The following ITM2B variants were observed in gnomAD, a reference collection of about 807,000 sequenced individuals.
The protein encoded by ITM2B is ABri/ADan amyloid peptide.
In ITM2B, 11 loss-of-function variants were observed where a neutral mutation model predicts 27.8. The observed-to-expected ratio is 0.40, with a 90% CI of 0.25 to 0.66. ITM2B has a LOEUF of 0.66. Ranked by LOEUF, ITM2B falls within the 30% of genes least tolerant of loss-of-function variation. The pLI is 0.43. For synonymous variants in ITM2B, 114 were observed against 114.3 expected (o/e 1.00, Z 0.02); for missense variants, 296 against 328.9 (o/e 0.90, Z 0.77).
chr13:48,244,211 A>C (rs946342119), intron 1 of ITM2B, among the ~76,000 whole-genome samples: 1 of 152,248 alleles, frequency 6.6e-6, no homozygotes, highest in African/African-American at 2.4e-5. Flanking sequence ...TAAACACCCC[A>C]GCTTTCAAGA....
rs544131145 is a variant in ITM2B at position 48,262,518 on chromosome 13, T to G, written c.*1294T>G. The G allele has an allele frequency of 6.6e-6, 1 of 152,314 alleles. No individual in the cohort carries two copies. Among genetic ancestry groups the G allele is most frequent in the Admixed American group, 6.5e-5 (1 of 15,274 alleles). The allele number at this position is 152,314 out of a possible 1,614,324, so 9.4% of individuals were successfully genotyped here. A position where few individuals can be genotyped will look rare whatever the true frequency, so the allele number is the denominator to read the frequency against. On this transcript the variant is annotated 3_prime_UTR_variant, in exon 6 of 6. Transcript: ENST00000647800. Reference sequence around the variant, plus strand: ...GTTGGGTATTCAGGAATTAACAATTTTAGAAGACAATATGTTTCAATAAAA... The same window carrying G: ...GTTGGGTATTCAGGAATTAACAATTGTAGAAGACAATATGTTTCAATAAAA...
At chr13:48,233,960 A>G (rs1951652476) in intron 1 of ITM2B, among the ~76,000 whole-genome samples, 1 of 152,162 alleles carries the variant, frequency 6.6e-6, no homozygotes, top group Non-Finnish European at 1.5e-5. Flanking sequence ...AAGTCCAGCA[A>G]CTGTAAGCGT....
intron 1 of ITM2B, among the ~76,000 whole-genome samples, chr13:48,249,678 G>A (rs1951742287): frequency 6.6e-6 from 1 of 152,072 alleles, no homozygotes; most frequent in South Asian, 2.1e-4. Context: ...GGGCATTCCT[G>A]TATTCCTCAA....
In ITM2B at chr13:48,233,258, G is replaced by A; in HGVS notation, c.-103G>A. 1 of 671,992 alleles carries A rather than the reference G, an allele frequency of 1.5e-6. No individual in the cohort carries two copies. The highest frequency in any genetic ancestry group is 2.4e-6 in the Non-Finnish European group (1 of 415,730). 41.6% of individuals were successfully genotyped at this position (671,992 alleles called of 1,614,324 possible). On this transcript the variant is annotated 5_prime_UTR_variant, in exon 1 of 6. Transcript: ENST00000647800. ...TCCCGAACCTCTTCAGCCGCCCGGAGCCGCTCCCGGAGCCCGGCCGTAGAG... is the reference window on the plus strand; with the variant it reads ...TCCCGAACCTCTTCAGCCGCCCGGAACCGCTCCCGGAGCCCGGCCGTAGAG...
chr13:48,234,483 A>G (rs1359110244), intron 1 of ITM2B, among the ~76,000 whole-genome samples: 1 of 152,150 alleles, frequency 6.6e-6, no homozygotes, highest in Non-Finnish European at 1.5e-5. Context: ...AAGACCTATT[A>G]TCAGTAGGGT....
rs751736059 is a variant in ITM2B, at chr13:48,245,323, CAAA to C, written c.118-8473_118-8471del. Reference sequence around the variant, plus strand: ...CCTGGGTGACAGTGAGACTCCGTCTCAAAAAAAAAAAAAATGGTTACAGTTCTG... The same window carrying C: ...CCTGGGTGACAGTGAGACTCCGTCTCAAAAAAAAAAATGGTTACAGTTCTG... On this transcript the variant is annotated intron_variant, in intron 1 of 5. Transcript: ENST00000647800. Among the ~76,000 whole-genome samples the C allele has an allele frequency of 7.9e-3, 758 of 95,476 alleles. 5 individuals are homozygous for C. Among genetic ancestry groups the C allele is most frequent in the Middle Eastern group, 0.026 (3 of 116 alleles). The allele number at this position is 95,476 out of a possible 152,430, so 62.6% of individuals were successfully genotyped here.
intron 1 of ITM2B, among the ~76,000 whole-genome samples, chr13:48,239,575 T>A (rs1951687927): frequency 6.6e-6 from 1 of 152,186 alleles, no homozygotes; most frequent in African/African-American, 2.4e-5. Context: ...GAGGCTGCAG[T>A]GAGCTGAGAT....
intron 1 of ITM2B, among the ~76,000 whole-genome samples, chr13:48,252,903 A>G (rs1195579578): frequency 6.6e-6 from 1 of 152,188 alleles, no homozygotes; most frequent in East Asian, 1.9e-4. Flanking sequence ...TACAAATCAG[A>G]AATTTGCTGT....
intron 1 of ITM2B, among the ~76,000 whole-genome samples, chr13:48,233,701 G>C (rs773608735): frequency 1.3e-4 from 20 of 152,154 alleles, no homozygotes; most frequent in Admixed American, 5.2e-4. Flanking sequence ...GGGCTTGGGA[G>C]GCCTGGAGAG....
rs759821284 is a variant in ITM2B at position 48,253,834 on chromosome 13, C to T, written c.144C>T (p.Gly48=). The change falls in exon 2 of 6, where the codon GGC becomes GGT. Residue 48 remains glycine (G), a synonymous_variant. Transcript: ENST00000647800. The part of the protein sequence containing the change: ...CKDPDDVVPV[G]QRRAWCWCMC... The stretch of plus-strand genomic sequence containing the variant: ...ACCCAGATGATGTGGTACCAGTTGG[C>T]CAAAGAAGAGCCTGGTGTTGGTGCA... The T allele has an allele frequency of 1.2e-6, 2 of 1,613,832 alleles. No homozygotes were observed. The highest frequency in any genetic ancestry group is 1.7e-6 in the Non-Finnish European group (2 of 1,179,760).
At chr13:48,242,099 G>A (rs954078843) in intron 1 of ITM2B, among the ~76,000 whole-genome samples, 8 of 152,084 alleles carry the variant, frequency 5.3e-5, no homozygotes, top group South Asian at 2.1e-4. Context: ...TTTACACACT[G>A]CACACATGAT....
At chr13:48,255,869 G>T (rs1951784012) in intron 2 of ITM2B, among the ~76,000 whole-genome samples, 1 of 152,162 alleles carries the variant, frequency 6.6e-6, no homozygotes, top group Admixed American at 6.5e-5. Context: ...TACAGGTAGA[G>T]TAGGTCTGTT....
At chr13:48,261,100 G>T (rs1238824246) in intron 5 of ITM2B, 39 bp from the exon 6 acceptor site, 3 of 1,276,534 alleles carry the variant, frequency 2.4e-6, no homozygotes, top group South Asian at 1.2e-5. Flanking sequence ...TATTATTAAA[G>T]AATCAAAATT....
chr13:48,264,627 T>A lies in ITM2B; in HGVS notation c.*3403T>A, dbSNP rs1951842245. 6.6e-6 allele frequency: 1 copy of A among 152,194 alleles called. No individual in the cohort carries two copies. Among genetic ancestry groups the A allele is most frequent in the Admixed American group, 6.5e-5 (1 of 15,280 alleles). The allele number at this position is 152,194 out of a possible 1,614,324, so 9.4% of individuals were successfully genotyped here. On this transcript the variant is annotated 3_prime_UTR_variant, in exon 6 of 6. Coordinates refer to ENST00000647800, the MANE Select transcript of ITM2B (RefSeq NM_021999.5). ...TCCTACTCTATTGCACACTAATCTT[T>A]GCATGTTTAACTCTTTGGGACTTAG...
At chr13:48,240,907 G>A (rs1260986076) in intron 1 of ITM2B, among the ~76,000 whole-genome samples, 8 of 152,284 alleles carry the variant, frequency 5.3e-5, no homozygotes, top group African/African-American at 1.2e-4. Context: ...GTTATCTTGT[G>A]TCCTTTTACA....
intron 5 of ITM2B, among the ~76,000 whole-genome samples, chr13:48,259,359 T>A (rs994491124): frequency 6.6e-6 from 1 of 152,240 alleles, no homozygotes; most frequent in Non-Finnish European, 1.5e-5. Context: ...TTGGGAATAA[T>A]CACTGTCAGG....
At chr13:48,255,276 C>T (rs892434571) in intron 2 of ITM2B, among the ~76,000 whole-genome samples, 6 of 151,762 alleles carry the variant, frequency 4.0e-5, no homozygotes, top group African/African-American at 1.2e-4. Context: ...TGCGTGCGCG[C>T]ACGTGTACAT....
intron 1 of ITM2B, among the ~76,000 whole-genome samples, chr13:48,236,174 C>A (rs1293774176): frequency 2.6e-5 from 4 of 152,308 alleles, no homozygotes; most frequent in African/African-American, 9.6e-5. Flanking sequence ...ATTGTTTTCA[C>A]CTTCCTCCTC....
intron 1 of ITM2B, among the ~76,000 whole-genome samples, chr13:48,245,100 C>T (rs1175965354): frequency 3.3e-5 from 5 of 151,896 alleles, no homozygotes; most frequent in Non-Finnish European, 5.9e-5. Flanking sequence ...CTGAGGCGGG[C>T]GGATCACTTG....
Sources: gnomAD v4.1 joint callset for allele counts (sites outside exome capture counted in the v4.1 genomes callset) on GRCh38, gnomAD v4.1.1 for gene constraint, MANE v1.5 for transcripts, NCBI Gene and HGNC (gene_info 2026-07-23, HGNC 2026-07-21) for gene names.